Variants in SHISA9 observed in about 807,000 individuals in gnomAD.
SHISA9 encodes the protein shisa family member 9.
In SHISA9, 13 loss-of-function variants were observed where a neutral mutation model predicts 38.0. The ratio of observed to expected loss-of-function variants is 0.34; its 90% CI spans 0.22 to 0.54. SHISA9 has a LOEUF of 0.54. SHISA9 is among the 20% of genes least tolerant of loss of function. The pLI is 0.91. For synonymous variants in SHISA9, 275 were observed against 242.0 expected (o/e 1.14, Z -1.27); for missense variants, 538 against 575.8 (o/e 0.93, Z 0.67).
At chr16:13,459,538 G>T in the SHISA9 span, among the ~76,000 whole-genome samples, 3 of 152,140 alleles carry the variant, frequency 2.0e-5, no homozygotes, top group Admixed American at 6.5e-5. Context: ...TATCACCTTT[G>T]TTATTCCAAA....
At chr16:13,401,064 C>G in the SHISA9 span, among the ~76,000 whole-genome samples, 1 of 152,196 alleles carries the variant, frequency 6.6e-6, no homozygotes, top group Non-Finnish European at 1.5e-5. Context: ...CCCACAGACT[C>G]TGATCCCACC....
chr16:13,456,083 A>G, the SHISA9 span, among the ~76,000 whole-genome samples: 2 of 152,194 alleles, frequency 1.3e-5, no homozygotes, highest in African/African-American at 4.8e-5. Context: ...CATACACTAA[A>G]CAAAATCATT....
rs575109260 is a variant in SHISA9, at chr16:13,070,221, C to A, written c.692-133173C>A. On this transcript the variant is annotated intron_variant, in intron 2 of 4. Transcript: ENST00000558583. ...TCCTCCTCTTCTCCCTCCTCCCATC[C>A]TTTTCCATTTTTTCTCCCCGTGCCC... 3.9e-5 allele frequency among the ~76,000 whole-genome samples: 6 copies of A among 151,954 alleles called. No homozygotes were observed. In the South Asian group the frequency reaches 1.2e-3, roughly 32 times the overall value.
At chr16:13,000,460 T>C (rs899628191) in intron 2 of SHISA9, among the ~76,000 whole-genome samples, 1 of 152,206 alleles carries the variant, frequency 6.6e-6, no homozygotes, top group Admixed American at 6.5e-5. Flanking sequence ...TTGTTCCACC[T>C]TGAGGAAACG....
chr16:13,089,126 T>C (rs554305171), intron 2 of SHISA9, among the ~76,000 whole-genome samples: 72 of 152,384 alleles, frequency 4.7e-4, no homozygotes, highest in Non-Finnish European at 5.4e-4. Flanking sequence ...GATTTGCGTG[T>C]GTTGAACCAG....
chr16:13,235,014 C>T lies in SHISA9; in HGVS notation c.896-16C>T. ...CTCTTTCTTCCCCTTCTTCATCCACCCGTTCCGATGTGTAGCTGACAAGGT... is the reference window on the plus strand; with the variant it reads ...CTCTTTCTTCCCCTTCTTCATCCACTCGTTCCGATGTGTAGCTGACAAGGT... On this transcript the variant is annotated splice_polypyrimidine_tract_variant and intron_variant, in intron 4 of 4. Coordinates refer to ENST00000558583, the MANE Select transcript of SHISA9 (RefSeq NM_001145204.3). 2 of 1,523,838 alleles carry T rather than the reference C, an allele frequency of 1.3e-6. No individual in the cohort carries two copies. Among genetic ancestry groups the T allele is most frequent in the Middle Eastern group, 1.8e-4 (1 of 5,616 alleles). The allele number at this position is 1,523,838 out of a possible 1,614,324, so 94.4% of individuals were successfully genotyped here.
At chr16:13,271,111 C>G in the SHISA9 span, among the ~76,000 whole-genome samples, 1 of 152,256 alleles carries the variant, frequency 6.6e-6, no homozygotes, top group South Asian at 2.1e-4. Flanking sequence ...GGATATATCC[C>G]AAGTCTGACA....
At chr16:13,095,423 G>T (rs1005356871) in intron 2 of SHISA9, among the ~76,000 whole-genome samples, 4 of 152,240 alleles carry the variant, frequency 2.6e-5, no homozygotes, top group African/African-American at 9.6e-5. Context: ...AAAAAAGGCA[G>T]ATTAGAGGGG....
chr16:13,039,818 C>G (rs748557128), intron 2 of SHISA9, among the ~76,000 whole-genome samples: 8 of 152,160 alleles, frequency 5.3e-5, no homozygotes. Context: ...TGAAGTCACT[C>G]AGACCCGGCT....
At chr16:13,394,931 GTGTGTGTGTGTGTGTGTGTGTGTGTGT>G in the SHISA9 span, among the ~76,000 whole-genome samples, 1 of 102,498 alleles carries the variant, frequency 9.8e-6, no homozygotes, top group African/African-American at 4.4e-5. Context: ...TATCTGGGGT[GTGTGTGTGTGTGTGTGTGTGTGTGTGT>G]GTGTGTGTGT....
the SHISA9 span, among the ~76,000 whole-genome samples, chr16:13,429,589 A>G: frequency 6.6e-6 from 1 of 152,116 alleles, no homozygotes; most frequent in East Asian, 1.9e-4. Context: ...CTTCTTCTTA[A>G]CTAATTATAT....
chr16:13,127,882 G>A (rs148756902), intron 2 of SHISA9, among the ~76,000 whole-genome samples: 1 of 152,166 alleles, frequency 6.6e-6, no homozygotes. Context: ...ACAGGGAGAG[G>A]CCTGGACTGC....
At chr16:13,056,209 G>A (rs1364628627) in intron 2 of SHISA9, among the ~76,000 whole-genome samples, 2 of 152,236 alleles carry the variant, frequency 1.3e-5, no homozygotes, top group African/African-American at 4.8e-5. Context: ...GGCAGCAGGA[G>A]AACAGAGGAA....
the SHISA9 span, among the ~76,000 whole-genome samples, chr16:13,364,345 T>C: frequency 6.6e-6 from 1 of 152,174 alleles, no homozygotes; most frequent in African/African-American, 2.4e-5. Flanking sequence ...CTGAAGACGT[T>C]GAATCATAGG....
intron 2 of SHISA9, among the ~76,000 whole-genome samples, chr16:13,102,397 C>G (rs980597789): frequency 6.6e-6 from 1 of 152,160 alleles, no homozygotes; most frequent in East Asian, 1.9e-4. Flanking sequence ...CAGAGGTTGA[C>G]TTTCTTCTCT....
intron 2 of SHISA9, among the ~76,000 whole-genome samples, chr16:13,137,322 G>C (rs559339303): frequency 1.6e-4 from 24 of 152,074 alleles, no homozygotes; most frequent in Non-Finnish European, 3.4e-4. Context: ...CAAGAAACCT[G>C]GAAAATGAAT....
intron 4 of SHISA9, among the ~76,000 whole-genome samples, chr16:13,225,281 C>A (rs1217409875): frequency 6.6e-6 from 1 of 152,112 alleles, no homozygotes; most frequent in Non-Finnish European, 1.5e-5. Flanking sequence ...CAACTTCTGG[C>A]CTTTGGAACT....
chr16:13,421,953 GT>G, the SHISA9 span, among the ~76,000 whole-genome samples: 1 of 152,244 alleles, frequency 6.6e-6, no homozygotes, highest in South Asian at 2.1e-4. Context: ...AAATGCCCAT[GT>G]GGTGATCTAA....
chr16:13,440,350 G>A, the SHISA9 span, among the ~76,000 whole-genome samples: 3 of 152,236 alleles, frequency 2.0e-5, no homozygotes, highest in South Asian at 4.1e-4. Context: ...TGGCTTTAGG[G>A]AAGAGTTGTC....
Sources: allele counts gnomAD v4.1 joint callset (sites outside exome capture counted in the v4.1 genomes callset), GRCh38; gene constraint gnomAD v4.1.1; transcripts MANE v1.5; gene names NCBI Gene and HGNC (gene_info 2026-07-23, HGNC 2026-07-21).